Variants in NTN4 observed in about 807,000 individuals in gnomAD.
NTN4 encodes the protein netrin-4.
Under a neutral mutation model 73.6 loss-of-function variants are expected in NTN4, and 32 were observed. The observed-to-expected ratio is 0.44, with a 90% confidence interval of 0.33 to 0.58. The LOEUF is 0.58. Among genes scored for constraint, NTN4 ranks in the 20% least tolerant of loss-of-function variants. NTN4 has a pLI of 0.04. For synonymous variants in NTN4, 258 were observed against 287.5 expected (o/e 0.90, Z 1.04); for missense variants, 654 against 798.3 (o/e 0.82, Z 2.18).
chr12:95,662,231 C>CTT (rs1592804538), intron 9 of NTN4, among the ~76,000 whole-genome samples: 2 of 33,480 alleles, frequency 6.0e-5, no homozygotes, highest in Non-Finnish European at 1.0e-4. Flanking sequence ...CTTCCTTTTT[C>CTT]TTTCTTTTTT....
Position 95,737,497 on chromosome 12 carries a change from C to G in NTN4, c.864+369G>C, listed in dbSNP as rs182279709. Among the ~76,000 whole-genome samples, 4 of 152,256 alleles carry G rather than the reference C, an allele frequency of 2.6e-5. No individual in the cohort carries two copies. In the East Asian group the frequency reaches 7.7e-4, roughly 29 times the overall value. On this transcript the variant is annotated intron_variant, in intron 3 of 9. Transcript: ENST00000343702. The stretch of plus-strand genomic sequence containing the variant: ...GCATAAAATCGAGGTTCTTATTTTT[C>G]CAACTTTAAAATCTACTCCACAATG...
chr12:95,752,989 T>C (rs2078921504), intron 2 of NTN4, among the ~76,000 whole-genome samples: 3 of 152,228 alleles, frequency 2.0e-5, no homozygotes, highest in Non-Finnish European at 2.9e-5. Flanking sequence ...ACAATGACCA[T>C]TGTTCCTGGT....
At chr12:95,768,213 T>C (rs1354017595) in intron 2 of NTN4, among the ~76,000 whole-genome samples, 1 of 152,076 alleles carries the variant, frequency 6.6e-6, no homozygotes. Context: ...ATGTGGTAAG[T>C]GCTATGACAG....
intron 2 of NTN4, among the ~76,000 whole-genome samples, chr12:95,767,686 T>G (rs2079029306): frequency 6.6e-6 from 1 of 152,184 alleles, no homozygotes; most frequent in Admixed American, 6.5e-5. Flanking sequence ...TAAGGCACCC[T>G]TCCCAATCAT....
chr12:95,769,258 C>T (rs1239942904), intron 2 of NTN4, among the ~76,000 whole-genome samples: 1 of 152,012 alleles, frequency 6.6e-6, no homozygotes, highest in Non-Finnish European at 1.5e-5. Context: ...TGGGATGCAA[C>T]AGAAGGACAG....
chr12:95,784,440 C>T (rs2121302656), intron 2 of NTN4, among the ~76,000 whole-genome samples: 1 of 152,278 alleles, frequency 6.6e-6, no homozygotes, highest in East Asian at 1.9e-4. Context: ...CTAGAGGGAA[C>T]TAGGTCACAC....
At chr12:95,785,590 G>A (rs2079161230) in intron 2 of NTN4, among the ~76,000 whole-genome samples, 1 of 152,178 alleles carries the variant, frequency 6.6e-6, no homozygotes, top group Non-Finnish European at 1.5e-5. Flanking sequence ...GAATGACATG[G>A]CAAAAGTCTC....
At chr12:95,684,492 G>A (rs2078346357) in intron 5 of NTN4, among the ~76,000 whole-genome samples, 1 of 149,604 alleles carries the variant, frequency 6.7e-6, no homozygotes, top group African/African-American at 2.5e-5. Context: ...TTTTTTTGTA[G>A]AGGCAAGGTC....
intron 2 of NTN4, among the ~76,000 whole-genome samples, chr12:95,785,649 T>C (rs2079162013): frequency 6.6e-6 from 1 of 152,198 alleles, no homozygotes; most frequent in African/African-American, 2.4e-5. Flanking sequence ...AACCTTTTCA[T>C]CAGGCCCCTG....
At chr12:95,763,454 A>G (rs1281105901) in intron 2 of NTN4, among the ~76,000 whole-genome samples, 1 of 152,222 alleles carries the variant, frequency 6.6e-6, no homozygotes, top group African/African-American at 2.4e-5. Flanking sequence ...CTGGCCTTAG[A>G]GCTATACAAA....
At position 95,731,154 on chromosome 12, in the gene NTN4, T is replaced by C. The variant is rs1048804855; in HGVS notation, c.864+6712A>G. Among the ~76,000 whole-genome samples, 11 of 152,364 alleles carry C rather than the reference T, an allele frequency of 7.2e-5. No individual in the cohort carries two copies. The East Asian group carries it at 1.9e-3, about 27-fold the overall frequency. ...ATGGAAGAGAATCAATGCTAATTTCTGGTGACATTGAAATGTAGAGGACTT... is the reference window on the plus strand; with the variant it reads ...ATGGAAGAGAATCAATGCTAATTTCCGGTGACATTGAAATGTAGAGGACTT... On this transcript the variant is annotated intron_variant, in intron 3 of 9. Coordinates refer to ENST00000343702, the MANE Select transcript of NTN4 (RefSeq NM_021229.4).
intron 2 of NTN4, among the ~76,000 whole-genome samples, chr12:95,777,721 A>G (rs1251718840): frequency 6.6e-6 from 1 of 152,140 alleles, no homozygotes; most frequent in African/African-American, 2.4e-5. Context: ...ATAATGGGGG[A>G]CTTTAACACC....
intron 5 of NTN4, among the ~76,000 whole-genome samples, chr12:95,690,711 A>T (rs1467814150): frequency 6.6e-6 from 1 of 152,112 alleles, no homozygotes; most frequent in African/African-American, 2.4e-5. Context: ...CTAGTATGAA[A>T]ATTATATAAT....
At chr12:95,726,256 C>T (rs767861051) in intron 3 of NTN4, among the ~76,000 whole-genome samples, 4 of 152,166 alleles carry the variant, frequency 2.6e-5, no homozygotes, top group Non-Finnish European at 4.4e-5. Flanking sequence ...ATCTCATGCT[C>T]ACTAGGCAGT....
intron 3 of NTN4, among the ~76,000 whole-genome samples, chr12:95,733,503 G>T (rs1234609031): frequency 6.6e-6 from 1 of 152,164 alleles, no homozygotes; most frequent in African/African-American, 2.4e-5. Flanking sequence ...CGGGCACAGA[G>T]CATCAGACTT....
intron 2 of NTN4, among the ~76,000 whole-genome samples, chr12:95,766,105 C>T (rs756054974): frequency 4.6e-5 from 7 of 152,150 alleles, no homozygotes; most frequent in Non-Finnish European, 8.8e-5. Context: ...TTTTCCTCTG[C>T]CTTCCTTTTC....
chr12:95,773,004 CTTTTTTCT>C (rs1565915943), intron 2 of NTN4, among the ~76,000 whole-genome samples: 1 of 148,384 alleles, frequency 6.7e-6, no homozygotes, highest in Admixed American at 6.7e-5. Context: ...TTTCTTTTTT[CTTTTTTCT>C]TTTTTTTTGA....
intron 8 of NTN4, 102 bp downstream of exon 8, chr12:95,669,976 C>CACAA (rs2078214842): frequency 1.6e-6 from 1 of 625,192 alleles, no homozygotes; most frequent in Non-Finnish European, 2.8e-6. Flanking sequence ...TTTGTGCTTT[C>CACAA]ATTTATACAC....
At chr12:95,669,995 C>T (rs1455372346) in intron 8 of NTN4, 83 bp downstream of exon 8, 1 of 698,710 alleles carries the variant, frequency 1.4e-6, no homozygotes, top group Non-Finnish European at 2.5e-6. Context: ...ACAATGTCAT[C>T]AGTCAGGCCT....
Sources: gnomAD v4.1 joint callset for allele counts (sites outside exome capture counted in the v4.1 genomes callset) on GRCh38, gnomAD v4.1.1 for gene constraint, MANE v1.5 for transcripts, NCBI Gene and HGNC (gene_info 2026-07-23, HGNC 2026-07-21) for gene names.